Variants in TMTC4 observed in about 807,000 individuals in gnomAD.
TMTC4 encodes transmembrane O-mannosyltransferase targeting cadherins 4.
Under a neutral mutation model 86.0 loss-of-function variants are expected in TMTC4, and 65 were observed. The ratio of observed to expected loss-of-function variants is 0.76; its 90% CI spans 0.62 to 0.93. The LOEUF (loss-of-function observed/expected upper bound fraction) is 0.93, where lower values mean the gene tolerates loss of function less well. TMTC4 is among the 40% of genes least tolerant of loss of function. The pLI, the probability that TMTC4 is intolerant of heterozygous loss-of-function variation, is 0.00. For synonymous variants in TMTC4, 379 were observed against 382.5 expected (o/e 0.99, Z 0.11); for missense variants, 866 against 948.1 (o/e 0.91, Z 1.14).
intron 6 of TMTC4, among the ~76,000 whole-genome samples, chr13:100,645,506 G>A (rs1036380303): frequency 6.6e-6 from 1 of 151,650 alleles, no homozygotes; most frequent in South Asian, 2.1e-4. Flanking sequence ...CCCTCTGTGA[G>A]CAGGTAAGCC....
chr13:100,615,190 T>A (rs1454598218), intron 15 of TMTC4, among the ~76,000 whole-genome samples: 1 of 152,136 alleles, frequency 6.6e-6, no homozygotes, highest in African/African-American at 2.4e-5. Flanking sequence ...CGGGCTGGAG[T>A]GCAATGGCGC....
intron 15 of TMTC4, among the ~76,000 whole-genome samples, chr13:100,618,472 ATC>A (rs1199273283): frequency 5.7e-4 from 68 of 119,662 alleles, no homozygotes; most frequent in African/African-American, 2.0e-3. Context: ...TTTTTTTTTA[ATC>A]TCTCTCTCTC....
intron 3 of TMTC4, chr13:100,665,931 C>T (rs546395632): frequency 4.5e-5 from 20 of 444,280 alleles, no homozygotes; most frequent in Middle Eastern, 7.7e-4. Context: ...GAGGCACCTG[C>T]TCCCTTCGTT....
chr13:100,637,369 C>G (rs2138880841), intron 9 of TMTC4, among the ~76,000 whole-genome samples, 169 bp downstream of exon 9: 1 of 152,322 alleles, frequency 6.6e-6, no homozygotes. Context: ...TCAGGAAGAC[C>G]TGCTTTCATC....
At chr13:100,664,609 T>C (rs1331744217) in intron 3 of TMTC4, among the ~76,000 whole-genome samples, 1 of 152,160 alleles carries the variant, frequency 6.6e-6, no homozygotes, top group Non-Finnish European at 1.5e-5. Flanking sequence ...ATAGCTCTGG[T>C]GCTGTGCTTC....
intron 5 of TMTC4, among the ~76,000 whole-genome samples, chr13:100,657,175 G>A (rs947291183): frequency 6.6e-6 from 1 of 152,158 alleles, no homozygotes; most frequent in African/African-American, 2.4e-5. Context: ...CAGCTCAAAG[G>A]TCATGATATT....
chr13:100,647,913 T>C (rs1883958922), intron 6 of TMTC4, among the ~76,000 whole-genome samples: 1 of 152,178 alleles, frequency 6.6e-6, no homozygotes, highest in Non-Finnish European at 1.5e-5. Flanking sequence ...GACAACCTTC[T>C]CCCTAATTTC....
At chr13:100,674,245 C>T in intron 1 of TMTC4, 1 of 980,284 alleles carries the variant, frequency 1.0e-6, no homozygotes. Context: ...GCGCTCGCGG[C>T]GCGGCGGGGG....
At position 100,604,416 on chromosome 13, in the gene TMTC4, CTAT is replaced by C. The variant is rs1876270839; in HGVS notation, c.*575_*577del. On this transcript the variant is annotated 3_prime_UTR_variant, in exon 19 of 19. Coordinates refer to ENST00000342624, the MANE Select transcript of TMTC4 (RefSeq NM_032813.5). ...CTATGGGGAAAAGCATATAGATATA[CTAT>C]GTTAAAACTTCCATTCCTCATTCGA... 6.6e-6 allele frequency: 1 copy of C among 152,212 alleles called. No homozygotes were observed. Among genetic ancestry groups the C allele is most frequent in the Non-Finnish European group, 1.5e-5 (1 of 68,044 alleles). 9.4% of individuals were successfully genotyped at this position (152,212 alleles called of 1,614,324 possible). A position where few individuals can be genotyped will look rare whatever the true frequency, so the allele number is the denominator to read the frequency against.
intron 12 of TMTC4, among the ~76,000 whole-genome samples, chr13:100,632,594 C>A (rs868672026): frequency 2.0e-5 from 3 of 152,102 alleles, no homozygotes; most frequent in African/African-American, 7.2e-5. Context: ...AAGATAAAAG[C>A]TGAAAGTAAT....
In TMTC4 at chr13:100,656,461, C is replaced by T; in HGVS notation, c.560G>A (p.Gly187Asp). Residue 187 changes from glycine to aspartate, a missense_variant, in exon 6 of 19, where the codon GGT (glycine) becomes GAT (aspartate). By Grantham distance (94) the Gly-to-Asp change is moderately conservative. Coordinates refer to ENST00000342624, the MANE Select transcript of TMTC4 (RefSeq NM_032813.5). ...VHPVHTECVA[G>D]VVGRADLLCA... The stretch of plus-strand genomic sequence containing the variant: ...CAGGAGGTCTGCACGGCCGACAACA[C>T]CAGCAACCTTAAAAAAGGGGGAAGA... The T allele has an allele frequency of 1.9e-6, 3 of 1,594,744 alleles. No individual in the cohort carries two copies. The highest frequency in any genetic ancestry group is 1.7e-4 in the Middle Eastern group (1 of 5,984).
At chr13:100,608,991 G>C (rs1050837216) in intron 17 of TMTC4, among the ~76,000 whole-genome samples, 2 of 152,190 alleles carry the variant, frequency 1.3e-5, no homozygotes, top group Admixed American at 1.3e-4. Context: ...AGCCACAGCA[G>C]CCACCCAAGA....
At chr13:100,622,500 C>A (rs1566575791) in intron 15 of TMTC4, among the ~76,000 whole-genome samples, 1 of 152,116 alleles carries the variant, frequency 6.6e-6, no homozygotes, top group Non-Finnish European at 1.5e-5. Flanking sequence ...TGGTTTCCCC[C>A]ATACTGTTCT....
At chr13:100,616,050 GC>G (rs1878431935) in intron 15 of TMTC4, among the ~76,000 whole-genome samples, 1 of 149,284 alleles carries the variant, frequency 6.7e-6, no homozygotes. Context: ...CCATGTTGCT[GC>G]AAAGGACATG....
Position 100,655,792 on chromosome 13 carries a change from T to C in TMTC4, c.640+589A>G, listed in dbSNP as rs982301166. Among the ~76,000 whole-genome samples the C allele has an allele frequency of 4.6e-5, 7 of 152,134 alleles. No homozygotes were observed. The East Asian group carries it at 9.7e-4, about 21-fold the overall frequency. On this transcript the variant is annotated intron_variant, in intron 6 of 18. Coordinates refer to ENST00000342624, the MANE Select transcript of TMTC4 (RefSeq NM_032813.5). ...TTATCCAGGCTTGATAAGGTAATAA[T>C]AATAAAAGGGGGTGGGAGTGGTTGG...
intron 15 of TMTC4, among the ~76,000 whole-genome samples, chr13:100,617,162 C>T (rs760349527): frequency 4.4e-4 from 67 of 151,204 alleles, no homozygotes; most frequent in Non-Finnish European, 7.4e-4. Flanking sequence ...CTTATTCTGT[C>T]GCCCAGGCGG....
At chr13:100,624,357 A>AAAAT (rs1451841982) in intron 15 of TMTC4, 4 of 150,840 alleles carry the variant, frequency 2.7e-5, no homozygotes, top group East Asian at 1.9e-4. Context: ...AAAAAAATAA[A>AAAAT]AAAAAAATAA....
At chr13:100,661,786 C>T (rs1321987176) in intron 5 of TMTC4, among the ~76,000 whole-genome samples, 1 of 152,190 alleles carries the variant, frequency 6.6e-6, no homozygotes, top group Admixed American at 6.5e-5. Context: ...AAAAACAGGA[C>T]GTCTGCTCAG....
chr13:100,613,998 C>A (rs1411626788), intron 16 of TMTC4, among the ~76,000 whole-genome samples: 5 of 151,806 alleles, frequency 3.3e-5, no homozygotes, highest in Non-Finnish European at 7.4e-5. Context: ...CGCCACCACA[C>A]CCGGCTAATT....
Sources: gnomAD v4.1 joint callset for allele counts (sites outside exome capture counted in the v4.1 genomes callset) on GRCh38, gnomAD v4.1.1 for gene constraint, MANE v1.5 for transcripts, NCBI Gene and HGNC (gene_info 2026-07-23, HGNC 2026-07-21) for gene names.